Variants in MEIKIN observed in about 807,000 individuals in gnomAD.
The protein encoded by MEIKIN is meiosis-specific kinetochore protein.
chr5:131,899,971 A>G (rs1191750608), intron 8 of MEIKIN, among the ~76,000 whole-genome samples: 1 of 152,236 alleles, frequency 6.6e-6, no homozygotes, highest in Non-Finnish European at 1.5e-5. Context: ...TTTGTCTTCA[A>G]TTATTTAGAA....
At chr5:131,936,752 G>A (rs902086341) in intron 4 of MEIKIN, among the ~76,000 whole-genome samples, 2 of 151,914 alleles carry the variant, frequency 1.3e-5, no homozygotes, top group East Asian at 1.9e-4. Context: ...GTGCTGCTAC[G>A]CCTGGCTACT....
At chr5:131,895,594 A>G (rs190037729) in intron 8 of MEIKIN, among the ~76,000 whole-genome samples, 7 of 152,120 alleles carry the variant, frequency 4.6e-5, no homozygotes, top group African/African-American at 1.7e-4. Flanking sequence ...CAGAGAGTCA[A>G]CTTCTTCCTG....
chr5:131,914,967 A>AG (rs1426010443), intron 7 of MEIKIN, among the ~76,000 whole-genome samples: 1 of 152,190 alleles, frequency 6.6e-6, no homozygotes, highest in Non-Finnish European at 1.5e-5. Flanking sequence ...ATGTCCATAC[A>AG]GGGTGGAAAC....
intron 11 of MEIKIN, among the ~76,000 whole-genome samples, chr5:131,822,302 CAGTT>C (rs1172006857): frequency 3.3e-5 from 5 of 152,036 alleles, no homozygotes; most frequent in African/African-American, 4.8e-5. Flanking sequence ...TTGTTATTGA[CAGTT>C]AGGGACTTAC....
At chr5:131,811,337 T>C (rs1174005434) in intron 12 of MEIKIN, among the ~76,000 whole-genome samples, 10 of 151,904 alleles carry the variant, frequency 6.6e-5, no homozygotes, top group Non-Finnish European at 1.3e-4. Flanking sequence ...TTGTAAACTT[T>C]TTCTTTTCTT....
intron 8 of MEIKIN, among the ~76,000 whole-genome samples, chr5:131,891,242 G>C (rs181821924): frequency 1.9e-4 from 29 of 152,296 alleles, no homozygotes; most frequent in African/African-American, 6.7e-4. Flanking sequence ...TGCGCTTGGT[G>C]CATAGCTGAG....
At chr5:131,834,784 CTT>C (rs754011317) in intron 11 of MEIKIN, among the ~76,000 whole-genome samples, 21 of 152,146 alleles carry the variant, frequency 1.4e-4, no homozygotes, top group Non-Finnish European at 2.8e-4. Flanking sequence ...GCAGATATCT[CTT>C]TGAGATACCG....
Position 131,928,538 on chromosome 5 carries a change from C to T in MEIKIN, c.478+4975G>A, listed in dbSNP as rs190760058. On this transcript the variant is annotated intron_variant, in intron 5 of 12. Coordinates refer to ENST00000442687, the MANE Select transcript of MEIKIN (RefSeq NM_001303622.2). ...AAAAACTACACTTATACTTCTCCCC[C>T]TCCTGCACTTTATTCATGTCACAAT... Among the ~76,000 whole-genome samples, 485 of 152,286 alleles carry T rather than the reference C, an allele frequency of 3.2e-3. 3 individuals carry two copies. Among genetic ancestry groups the T allele is most frequent in the African/African-American group, 0.011 (462 of 41,548 alleles).
intron 11 of MEIKIN, among the ~76,000 whole-genome samples, chr5:131,836,740 G>GT (rs796714140): frequency 0.011 from 1,572 of 141,466 alleles, 22 homozygotes; most frequent in African/African-American, 0.035. Flanking sequence ...ACTTTTTAAT[G>GT]TTTTTTTTTT....
intron 8 of MEIKIN, among the ~76,000 whole-genome samples, chr5:131,905,831 G>GACTGAAACTGGAGAACCCTCCCT (rs1751234739): frequency 6.6e-6 from 1 of 152,074 alleles, no homozygotes; most frequent in East Asian, 1.9e-4. Context: ...ATATGCAGAA[G>GACTGAAACTGGAGAACCCTCCCT]ACTGAAACTG....
chr5:131,944,963 A>G lies in MEIKIN; in HGVS notation c.200+193T>C, dbSNP rs1238238644. Among the ~76,000 whole-genome samples the G allele has an allele frequency of 3.3e-5, 5 of 152,190 alleles. No homozygotes were observed. In the East Asian group the frequency reaches 9.6e-4, roughly 29 times the overall value. ...CTCACTTCCTTTTACGTAAATTGGCAAGCCTTCCCCTTTTTAAAAATAAAT... is the reference window on the plus strand; with the variant it reads ...CTCACTTCCTTTTACGTAAATTGGCGAGCCTTCCCCTTTTTAAAAATAAAT... On this transcript the variant is annotated intron_variant, in intron 2 of 12. Coordinates refer to ENST00000442687, the MANE Select transcript of MEIKIN (RefSeq NM_001303622.2).
chr5:131,827,723 G>A (rs534914465), intron 11 of MEIKIN, among the ~76,000 whole-genome samples: 47 of 152,092 alleles, frequency 3.1e-4, no homozygotes, highest in Non-Finnish European at 4.4e-4. Flanking sequence ...AATACATAAA[G>A]CAAAAATTTA....
intron 8 of MEIKIN, among the ~76,000 whole-genome samples, chr5:131,899,542 T>TA (rs398065218): frequency 0.064 from 8,036 of 125,350 alleles, 479 homozygotes; most frequent in African/African-American, 0.17. Flanking sequence ...TGAATGGATT[T>TA]AAAAAAAAAA....
intron 5 of MEIKIN, among the ~76,000 whole-genome samples, chr5:131,925,319 C>T (rs1751569443): frequency 6.6e-6 from 1 of 152,094 alleles, no homozygotes; most frequent in Non-Finnish European, 1.5e-5. Flanking sequence ...TTAAAAAATG[C>T]CATTGAGATT....
At chr5:131,910,597 T>C (rs1751318572) in intron 8 of MEIKIN, among the ~76,000 whole-genome samples, 1 of 152,152 alleles carries the variant, frequency 6.6e-6, no homozygotes, top group African/African-American at 2.4e-5. Context: ...CTGTATTATT[T>C]GTAACACAAA....
At chr5:131,854,723 G>A (rs1019659923) in intron 10 of MEIKIN, 31 bp downstream of exon 10, 1 of 397,362 alleles carries the variant, frequency 2.5e-6, no homozygotes, top group Non-Finnish European at 4.4e-6. Flanking sequence ...CCAGAAAACA[G>A]ATACTACAAG....
chr5:131,810,868 G>C (rs1287575023), intron 12 of MEIKIN, among the ~76,000 whole-genome samples: 2 of 152,166 alleles, frequency 1.3e-5, no homozygotes, highest in African/African-American at 2.4e-5. Context: ...CACAGTCCTA[G>C]ACTGAAATTC....
At chr5:131,901,848 C>A (rs748440170) in intron 8 of MEIKIN, among the ~76,000 whole-genome samples, 4 of 152,116 alleles carry the variant, frequency 2.6e-5, no homozygotes, top group Non-Finnish European at 4.4e-5. Flanking sequence ...ATCCAAAGGG[C>A]AGTGATATGA....
intron 11 of MEIKIN, among the ~76,000 whole-genome samples, chr5:131,830,314 T>C (rs1030707938): frequency 4.6e-5 from 7 of 152,210 alleles, no homozygotes; most frequent in Admixed American, 1.3e-4. Context: ...AGAGGATCAA[T>C]TGAGCCTGGG....
Sources: allele counts gnomAD v4.1 joint callset (sites outside exome capture counted in the v4.1 genomes callset), GRCh38; gene constraint gnomAD v4.1.1; transcripts MANE v1.5; gene names NCBI Gene and HGNC (gene_info 2026-07-23, HGNC 2026-07-21).